The following ESR1 variants were observed in gnomAD, a reference collection of about 807,000 sequenced individuals.
The protein encoded by ESR1 is estrogen receptor.
In ESR1, 12 loss-of-function variants were observed where a neutral mutation model predicts 52.7. The ratio of observed to expected loss-of-function variants is 0.23; its 90% CI spans 0.15 to 0.37. The LOEUF is 0.37. Among genes scored for constraint, ESR1 ranks in the 10% least tolerant of loss-of-function variants. The pLI, the probability that ESR1 is intolerant of heterozygous loss-of-function variation, is 1.00. For synonymous variants in ESR1, 305 were observed against 316.8 expected (o/e 0.96, Z 0.39); for missense variants, 584 against 779.7 (o/e 0.75, Z 2.99).
At position 152,052,005 on chromosome 6, in the gene ESR1, A is replaced by G. The variant is rs765541493; in HGVS notation, c.1236-8986A>G. 6.6e-5 allele frequency among the ~76,000 whole-genome samples: 10 copies of G among 152,302 alleles called. No homozygotes were observed. In the South Asian group the frequency reaches 2.1e-3, roughly 32 times the overall value. ...ATACCTGATGCCAGGTAATTTATAA[A>G]GAAAATAGGTTTTATTTGGCTGAGG... On this transcript the variant is annotated intron_variant, in intron 5 of 7. Transcript: ENST00000206249.
chr6:152,089,667 C>A (rs1448964883), intron 6 of ESR1, among the ~76,000 whole-genome samples: 1 of 152,162 alleles, frequency 6.6e-6, no homozygotes, highest in Admixed American at 6.5e-5. Flanking sequence ...CAACCTCCAC[C>A]TCCCAGGTCC....
chr6:151,946,566 A>G (rs997262908), intron 4 of ESR1, among the ~76,000 whole-genome samples: 2 of 152,242 alleles, frequency 1.3e-5, no homozygotes, highest in African/African-American at 4.8e-5. Flanking sequence ...GATGTGTAAC[A>G]AAACCACTCT....
chr6:151,682,659 G>A (rs963261732), intron 1 of ESR1, among the ~76,000 whole-genome samples: 1 of 152,226 alleles, frequency 6.6e-6, no homozygotes, highest in African/African-American at 2.4e-5. Context: ...ACGTGGAAGA[G>A]TTATTAGACA....
At chr6:151,753,722 T>G (rs1192532184) in intron 2 of ESR1, among the ~76,000 whole-genome samples, 4 of 152,186 alleles carry the variant, frequency 2.6e-5, no homozygotes, top group African/African-American at 7.2e-5. Context: ...TAGGTAAAAG[T>G]TTGGCTTAAC....
intron 2 of ESR1, among the ~76,000 whole-genome samples, chr6:151,740,265 C>T (rs1052949621): frequency 4.7e-5 from 7 of 149,942 alleles, no homozygotes; most frequent in South Asian, 2.1e-4. Context: ...ATTACAGGAG[C>T]GCACCACCAT....
chr6:151,754,853 A>G (rs1050465890), intron 2 of ESR1, among the ~76,000 whole-genome samples: 7 of 152,190 alleles, frequency 4.6e-5, no homozygotes, highest in African/African-American at 1.7e-4. Context: ...AGACGTGTCC[A>G]TCCAACTGCT....
intron 2 of ESR1, among the ~76,000 whole-genome samples, chr6:151,766,116 G>T (rs900490519): frequency 1.3e-5 from 2 of 152,216 alleles, no homozygotes; most frequent in South Asian, 4.1e-4. Context: ...AGTGTTGAAA[G>T]AAATTAACAA....
At chr6:151,817,612 T>G (rs1183801230) in intron 1 of ESR1, among the ~76,000 whole-genome samples, 1 of 152,188 alleles carries the variant, frequency 6.6e-6, no homozygotes, top group Non-Finnish European at 1.5e-5. Context: ...GCCGTTGCAT[T>G]TGATATGGAA....
At chr6:151,989,389 T>G (rs2040807443) in intron 4 of ESR1, among the ~76,000 whole-genome samples, 1 of 152,158 alleles carries the variant, frequency 6.6e-6, no homozygotes, top group South Asian at 2.1e-4. Flanking sequence ...CTATGCTGTC[T>G]TTCTCAATAA....
At chr6:151,672,717 C>T (rs542862962) in intron 1 of ESR1, among the ~76,000 whole-genome samples, 1 of 152,282 alleles carries the variant, frequency 6.6e-6, no homozygotes, top group East Asian at 1.9e-4. Context: ...AGGTGATCCA[C>T]CCACCTCGGC....
intron 5 of ESR1, among the ~76,000 whole-genome samples, chr6:152,032,660 A>G (rs2044831650): frequency 6.6e-6 from 1 of 152,212 alleles, no homozygotes; most frequent in African/African-American, 2.4e-5. Flanking sequence ...CAAATGCAAG[A>G]ACATTCCATG....
At chr6:152,018,425 TAA>T (rs78036702) in intron 5 of ESR1, among the ~76,000 whole-genome samples, 15,698 of 126,640 alleles carry the variant, frequency 0.12, 904 homozygotes, top group African/African-American at 0.17. Context: ...GGAAGAATGA[TAA>T]AAAAAAAAAA....
At chr6:151,946,468 A>G (rs1301689672) in intron 4 of ESR1, among the ~76,000 whole-genome samples, 1 of 152,228 alleles carries the variant, frequency 6.6e-6, no homozygotes, top group Non-Finnish European at 1.5e-5. Context: ...AAAATGGAGA[A>G]GTCAAGGAAA....
chr6:152,125,660 C>G (rs2053149776), exon 7 of ESR1: 1 of 249,524 alleles, frequency 4.0e-6, no homozygotes, highest in Non-Finnish European at 7.6e-6. Context: ...AAGAGAGCTC[C>G]CACAATTCCT....
downstream of ESR1, among the ~76,000 whole-genome samples, chr6:152,105,117 G>T (rs548209372): frequency 3.9e-5 from 6 of 152,200 alleles, no homozygotes; most frequent in South Asian, 1.2e-3. Flanking sequence ...CTCTTCATTT[G>T]TCCATCTGTA....
downstream of ESR1, among the ~76,000 whole-genome samples, chr6:152,105,254 G>T (rs1448300496): frequency 6.6e-6 from 1 of 152,208 alleles, no homozygotes; most frequent in Non-Finnish European, 1.5e-5. Context: ...TTTATAACCA[G>T]TTGGTCAGAG....
chr6:151,777,785 T>A (rs1015016989), intron 2 of ESR1, among the ~76,000 whole-genome samples: 1 of 151,584 alleles, frequency 6.6e-6, no homozygotes, highest in African/African-American at 2.4e-5. Flanking sequence ...CATGGGGAAA[T>A]CCCAACCCTA....
intron 4 of ESR1, among the ~76,000 whole-genome samples, chr6:151,954,241 G>C (rs779954260): frequency 9.9e-5 from 15 of 152,140 alleles, no homozygotes; most frequent in African/African-American, 3.6e-4. Flanking sequence ...CTTCTCTTAG[G>C]AACATTCTCC....
At chr6:152,024,865 A>G (rs965834459) in intron 5 of ESR1, among the ~76,000 whole-genome samples, 11 of 150,814 alleles carry the variant, frequency 7.3e-5, no homozygotes. Context: ...ACATATAAAT[A>G]CATATATAAA....
Sources: gnomAD v4.1 joint callset for allele counts (sites outside exome capture counted in the v4.1 genomes callset) on GRCh38, gnomAD v4.1.1 for gene constraint, MANE v1.5 for transcripts, NCBI Gene and HGNC (gene_info 2026-07-23, HGNC 2026-07-21) for gene names.